TNRC6B: variants seen among roughly 807,000 people sequenced by gnomAD.
TNRC6B encodes the protein trinucleotide repeat-containing gene 6B protein.
In TNRC6B, 52 loss-of-function variants were observed where a neutral mutation model predicts 203.6. The observed-to-expected ratio is 0.26, with a 90% CI of 0.20 to 0.32. The LOEUF (loss-of-function observed/expected upper bound fraction) is 0.32, where lower values mean the gene tolerates loss of function less well. Ranked by LOEUF, TNRC6B falls within the 10% of genes least tolerant of loss-of-function variation. The probability of loss-of-function intolerance (pLI) is 1.00; values close to 1 mark genes in which losing one functional copy is unlikely to be tolerated. For synonymous variants in TNRC6B, 838 were observed against 845.7 expected, an observed-to-expected ratio of 0.99 and a Z score of 0.16; for missense variants, 1,923 against 2,286.2, an observed-to-expected ratio of 0.84 and a Z score of 3.24.
chr22:40,294,454 G>A (rs1039189842), intron 12 of TNRC6B, among the ~76,000 whole-genome samples: 13 of 152,098 alleles, frequency 8.5e-5, no homozygotes, highest in Admixed American at 6.5e-5. Context: ...ATGGATTAGG[G>A]CCCACCCTAA....
intron 3 of TNRC6B, among the ~76,000 whole-genome samples, chr22:40,136,567 A>T (rs2068601842): frequency 1.4e-5 from 2 of 146,346 alleles, no homozygotes; most frequent in Admixed American, 6.9e-5. Context: ...ACCGAGCTAA[A>T]TTTTTTTTTT....
rs1052214059 is a variant in TNRC6B at position 40,099,875 on chromosome 22, C to T, written c.-120-17180C>T. On this transcript the variant is annotated intron_variant, in intron 1 of 23. Transcript: ENST00000301923. ...ACGCCATTCTCCTTCCTCAGCCTCCCGAGTAGCTGGGACTACAGGCGCCCG... is the reference window on the plus strand; with the variant it reads ...ACGCCATTCTCCTTCCTCAGCCTCCTGAGTAGCTGGGACTACAGGCGCCCG... Among the ~76,000 whole-genome samples the T allele has an allele frequency of 1.1e-4, 17 of 151,634 alleles. No individual in the cohort carries two copies. The East Asian group carries it at 2.3e-3, about 21-fold the overall frequency.
In TNRC6B at chr22:40,166,571, C is replaced by T. The variant is rs377085994; in HGVS notation, c.113+10389C>T. ...TTTGTTATTAAGTTCCTTTCTGCCTCACAACTTGTTATTGGTAACATCATA... is the reference window on the plus strand; with the variant it reads ...TTTGTTATTAAGTTCCTTTCTGCCTTACAACTTGTTATTGGTAACATCATA... On this transcript the variant is annotated intron_variant, in intron 4 of 23. Transcript: ENST00000301923. Among the ~76,000 whole-genome samples the T allele has an allele frequency of 3.3e-5, 5 of 152,052 alleles. No homozygotes were observed. In the East Asian group the frequency reaches 7.7e-4, roughly 23 times the overall value.
At chr22:40,260,600 G>T (rs189291228) in intron 3 of TNRC6B, among the ~76,000 whole-genome samples, 1 of 152,166 alleles carries the variant, frequency 6.6e-6, no homozygotes, top group Non-Finnish European at 1.5e-5. Flanking sequence ...GCCCATCTAG[G>T]CCAGGGGCTT....
intron 3 of TNRC6B, among the ~76,000 whole-genome samples, chr22:40,155,262 A>G (rs2068809445): frequency 6.6e-6 from 1 of 152,092 alleles, no homozygotes; most frequent in Non-Finnish European, 1.5e-5. Flanking sequence ...TGCATCTTCA[A>G]ATGTAATAGA....
At chr22:40,125,012 C>G (rs1398135197) in intron 2 of TNRC6B, among the ~76,000 whole-genome samples, 16 of 115,902 alleles carry the variant, frequency 1.4e-4, no homozygotes, top group Non-Finnish European at 2.5e-4. Context: ...GACTGTGTCT[C>G]AAAAAAAAAA....
chr22:40,196,297 C>T (rs2069336552), intron 1 of TNRC6B, among the ~76,000 whole-genome samples: 1 of 150,558 alleles, frequency 6.6e-6, no homozygotes, highest in African/African-American at 2.4e-5. Flanking sequence ...CTACAGGCTC[C>T]ACCACCATGC....
intron 1 of TNRC6B, among the ~76,000 whole-genome samples, chr22:40,079,318 A>G (rs1297308205): frequency 3.3e-5 from 5 of 152,114 alleles, no homozygotes; most frequent in African/African-American, 2.4e-5. Flanking sequence ...AGAGCTCTCC[A>G]GGTAGCCTTG....
chr22:40,201,485 T>C (rs547697319), intron 1 of TNRC6B, among the ~76,000 whole-genome samples: 1 of 151,674 alleles, frequency 6.6e-6, no homozygotes, highest in East Asian at 1.9e-4. Context: ...ACCCAGGCTG[T>C]AGTGCAGTGG....
At position 40,098,557 on chromosome 22, in the gene TNRC6B, T is replaced by C. The variant is rs139799477; in HGVS notation, c.-120-18498T>C. ...CATTATCAGACTTTTTAATCAAAAT[T>C]GTTCTAAGTCATAGAAAAGATTTAG... On this transcript the variant is annotated intron_variant, in intron 1 of 23. Transcript: ENST00000301923. 3.1e-3 allele frequency among the ~76,000 whole-genome samples: 467 copies of C among 152,258 alleles called. 1 individual carries two copies. The highest frequency in any genetic ancestry group is 0.011 in the African/African-American group (443 of 41,524).
At chr22:40,256,834 G>T (rs2070286311) in intron 3 of TNRC6B, among the ~76,000 whole-genome samples, 1 of 152,200 alleles carries the variant, frequency 6.6e-6, no homozygotes, top group Non-Finnish European at 1.5e-5. Context: ...GGGAGGGAGG[G>T]AATGACGAGT....
intron 9 of TNRC6B, among the ~76,000 whole-genome samples, chr22:40,279,282 G>T (rs1230421899): frequency 1.3e-5 from 2 of 152,148 alleles, no homozygotes; most frequent in African/African-American, 4.8e-5. Flanking sequence ...AAGAAGAAAT[G>T]AAAATAATTC....
chr22:40,207,364 A>T (rs1254205593), intron 1 of TNRC6B, among the ~76,000 whole-genome samples: 1 of 148,228 alleles, frequency 6.7e-6, no homozygotes, highest in Non-Finnish European at 1.5e-5. Flanking sequence ...CTGTGGTCAC[A>T]CCACTGCACC....
chr22:40,157,570 A>G (rs1326242848), intron 4 of TNRC6B, among the ~76,000 whole-genome samples: 1 of 152,248 alleles, frequency 6.6e-6, no homozygotes, highest in Admixed American at 6.5e-5. Context: ...AGCTCACAAT[A>G]TAAATCCTAG....
At chr22:40,307,569 A>G (rs950018600) in intron 15 of TNRC6B, among the ~76,000 whole-genome samples, 2 of 152,040 alleles carry the variant, frequency 1.3e-5, no homozygotes, top group Non-Finnish European at 2.9e-5. Context: ...AGACTCCGTC[A>G]TCCAGATTCT....
chr22:40,214,570 A>C (rs866636355), intron 1 of TNRC6B, among the ~76,000 whole-genome samples: 3 of 150,070 alleles, frequency 2.0e-5, no homozygotes, highest in South Asian at 4.2e-4. Context: ...TATTTTGGAC[A>C]GAGTTTTTTG....
At chr22:40,210,759 T>C (rs2069550689) in intron 1 of TNRC6B, among the ~76,000 whole-genome samples, 2 of 152,212 alleles carry the variant, frequency 1.3e-5, no homozygotes, top group African/African-American at 4.8e-5. Flanking sequence ...AAGGAAAATA[T>C]TCTTTACCTG....
Position 40,323,361 on chromosome 22 carries a change from CGG to C in TNRC6B, c.*121_*122del. ...ACATTTTTAAAAGGAAAAAAGAAAACGGAGAGAAAAAAAGGTGGGTCATTGAC... is the reference window on the plus strand; with the variant it reads ...ACATTTTTAAAAGGAAAAAAGAAAACAGAGAAAAAAAGGTGGGTCATTGAC... On this transcript the variant is annotated 3_prime_UTR_variant, in exon 23 of 23. Coordinates refer to ENST00000454349, the MANE Select transcript of TNRC6B (RefSeq NM_001162501.2). The C allele has an allele frequency of 7.6e-7, 1 of 1,316,264 alleles. No individual in the cohort carries two copies. The highest frequency in any genetic ancestry group is 2.4e-5 in the East Asian group (1 of 40,820). 81.5% of individuals were successfully genotyped at this position (1,316,264 alleles called of 1,614,324 possible).
intron 1 of TNRC6B, among the ~76,000 whole-genome samples, chr22:40,237,211 T>G (rs2069960162): frequency 1.3e-5 from 2 of 152,096 alleles, no homozygotes; most frequent in Non-Finnish European, 2.9e-5. Context: ...AATTCACACA[T>G]CCAAGATCCT....
Sources: gnomAD v4.1 joint callset for allele counts (sites outside exome capture counted in the v4.1 genomes callset) on GRCh38, gnomAD v4.1.1 for gene constraint, MANE v1.5 for transcripts, NCBI Gene and HGNC (gene_info 2026-07-23, HGNC 2026-07-21) for gene names.